ADAM12: variants seen among roughly 807,000 people sequenced by gnomAD.
ADAM12 encodes the protein ADAM metallopeptidase domain 12, also known as disintegrin and metalloproteinase domain-containing protein 12.
In ADAM12, 70 loss-of-function variants were observed where a neutral mutation model predicts 106.4. That is an observed-to-expected ratio of 0.66 (90% CI 0.54 to 0.80). The LOEUF is 0.80. Among genes scored for constraint, ADAM12 ranks in the 30% least tolerant of loss-of-function variants. The probability of loss-of-function intolerance (pLI) is 0.00; values close to 1 mark genes in which losing one functional copy is unlikely to be tolerated. For synonymous variants in ADAM12, 420 were observed against 433.5 expected (o/e 0.97, Z 0.39); for missense variants, 1,010 against 1,171.9 (o/e 0.86, Z 2.02).
intron 1 of ADAM12, among the ~76,000 whole-genome samples, chr10:126,384,068 A>G (rs1856575490): frequency 6.6e-6 from 1 of 152,192 alleles, no homozygotes; most frequent in Non-Finnish European, 1.5e-5. Flanking sequence ...GAATGCAGAT[A>G]TGATGCCAAG....
intron 3 of ADAM12, among the ~76,000 whole-genome samples, chr10:126,162,262 G>A (rs967926168): frequency 7.9e-5 from 12 of 152,162 alleles, no homozygotes; most frequent in African/African-American, 2.9e-4. Flanking sequence ...AGATGGGGAA[G>A]AATGAGCTGC....
At chr10:126,028,374 A>G (rs921328074) in intron 21 of ADAM12, among the ~76,000 whole-genome samples, 1 of 152,238 alleles carries the variant, frequency 6.6e-6, no homozygotes, top group Non-Finnish European at 1.5e-5. Context: ...CTAAGCAAAA[A>G]GAACAAAGCT....
rs1955499942 is a variant in ADAM12 at position 126,093,336 on chromosome 10, T to C, written c.1145+649A>G. Among the ~76,000 whole-genome samples the C allele has an allele frequency of 2.6e-5, 4 of 152,228 alleles. No individual in the cohort carries two copies. The South Asian group carries it at 6.2e-4, about 24-fold the overall frequency. ...GTTTGAACACTCCAAATAATGGAAC[T>C]GTCTTGCTCTTTTCTGGTTGAACCA... On this transcript the variant is annotated intron_variant, in intron 11 of 22. Transcript: ENST00000448723.
chr10:126,131,026 G>C (rs1003313898), intron 5 of ADAM12, among the ~76,000 whole-genome samples: 1 of 148,600 alleles, frequency 6.7e-6, no homozygotes, highest in Non-Finnish European at 1.5e-5. Flanking sequence ...TCTCAGTTTT[G>C]ATAATTGGGA....
At chr10:126,121,516 T>C (rs1458462357) in intron 5 of ADAM12, among the ~76,000 whole-genome samples, 1 of 143,016 alleles carries the variant, frequency 7.0e-6, no homozygotes, top group Non-Finnish European at 1.5e-5. Flanking sequence ...TAGAAAATTA[T>C]ATATTATATA....
intron 3 of ADAM12, among the ~76,000 whole-genome samples, chr10:126,258,563 G>T (rs573902999): frequency 2.0e-5 from 3 of 152,290 alleles, no homozygotes; most frequent in East Asian, 3.9e-4. Flanking sequence ...CTGGTGCAGG[G>T]TGGCGTCTGA....
At chr10:126,357,423 G>A (rs1269784935) in intron 1 of ADAM12, among the ~76,000 whole-genome samples, 2 of 152,082 alleles carry the variant, frequency 1.3e-5, no homozygotes, top group Non-Finnish European at 2.9e-5. Context: ...ACAAACAAAA[G>A]CTAAGCAGAG....
rs574560491 is a variant in ADAM12, at chr10:126,013,671, C to T, written c.*3608G>A. On this transcript the variant is annotated 3_prime_UTR_variant, in exon 23 of 23. Coordinates refer to ENST00000448723, the MANE Select transcript of ADAM12 (RefSeq NM_001288973.2). This position sits in a 1 kb window ranked among gnomAD's most constrained non-coding sequence, Gnocchi z 4.3. ...GAGATGCATCGGCCTGTGGTTTGAC[C>T]TGGGAAAGGGGCTTGTGTCTGGGTG... The T allele has an allele frequency of 2.6e-5, 4 of 152,400 alleles. No individual in the cohort carries two copies. Among genetic ancestry groups the T allele is most frequent in the Admixed American group, 1.3e-4 (2 of 15,286 alleles). The allele number at this position is 152,400 out of a possible 1,614,324, so 9.4% of individuals were successfully genotyped here. A position where few individuals can be genotyped will look rare whatever the true frequency, so the allele number is the denominator to read the frequency against.
At chr10:126,231,365 A>C (rs1051921619) in intron 3 of ADAM12, among the ~76,000 whole-genome samples, 3 of 151,268 alleles carry the variant, frequency 2.0e-5, no homozygotes, top group Admixed American at 1.3e-4. Flanking sequence ...GGAGGAAATA[A>C]GGCAACAGAA....
chr10:126,238,501 T>A (rs2133644643), intron 3 of ADAM12, among the ~76,000 whole-genome samples: 1 of 152,246 alleles, frequency 6.6e-6, no homozygotes, highest in Non-Finnish European at 1.5e-5. Flanking sequence ...AAACAAAATT[T>A]AATTAATTAA....
intron 11 of ADAM12, among the ~76,000 whole-genome samples, chr10:126,075,135 A>G (rs1221560513): frequency 6.6e-6 from 1 of 152,220 alleles, no homozygotes; most frequent in Non-Finnish European, 1.5e-5. Context: ...GTAATGAAGA[A>G]AAAAATGCCT....
chr10:126,214,581 GGAGTAGATGGTCA>G (rs1428412056), intron 3 of ADAM12, among the ~76,000 whole-genome samples: 1 of 152,166 alleles, frequency 6.6e-6, no homozygotes, highest in Non-Finnish European at 1.5e-5. Flanking sequence ...GGAGGGTGTG[GGAGTAGATGGTCA>G]GAGGAAGATT....
Position 126,014,940 on chromosome 10 carries a change from G to C in ADAM12, c.*2339C>G, listed in dbSNP as rs1399943894. ...GCCTCCCCCAACCACAAAACACCCT[G>C]GTTATTGGTTCCTAAGTTATGTTAA... is the stretch of plus-strand genomic sequence containing the variant. On this transcript the variant is annotated 3_prime_UTR_variant, in exon 23 of 23. Transcript: ENST00000448723. The C allele has an allele frequency of 6.6e-6, 1 of 151,946 alleles. No individual in the cohort carries two copies. The highest frequency in any genetic ancestry group is 1.5e-5 in the Non-Finnish European group (1 of 67,974). 9.4% of individuals were successfully genotyped at this position (151,946 alleles called of 1,614,324 possible). A position where few individuals can be genotyped will look rare whatever the true frequency, so the allele number is the denominator to read the frequency against.
chr10:126,123,563 C>G (rs568045969), intron 5 of ADAM12, among the ~76,000 whole-genome samples: 6 of 152,298 alleles, frequency 3.9e-5, no homozygotes, highest in Admixed American at 2.6e-4. Flanking sequence ...GGGTCACCCC[C>G]CTGTGGCACT....
chr10:126,029,344 G>T (rs1461685067), intron 21 of ADAM12, among the ~76,000 whole-genome samples: 1 of 152,134 alleles, frequency 6.6e-6, no homozygotes, highest in African/African-American at 2.4e-5. Flanking sequence ...CAACCTAAGT[G>T]CCCATCAGTG....
intron 1 of ADAM12, among the ~76,000 whole-genome samples, chr10:126,345,758 G>A (rs919591529): frequency 5.3e-5 from 8 of 152,172 alleles, no homozygotes; most frequent in African/African-American, 1.9e-4. Flanking sequence ...TTGGGAGGGT[G>A]TTTGTGTTGA....
At chr10:126,356,388 A>G (rs1412668898) in intron 1 of ADAM12, among the ~76,000 whole-genome samples, 11 of 152,196 alleles carry the variant, frequency 7.2e-5, no homozygotes, top group Admixed American at 1.3e-4. Flanking sequence ...AACTCAAAGC[A>G]AAGGCAGCAT....
intron 11 of ADAM12, among the ~76,000 whole-genome samples, chr10:126,076,945 A>G (rs772993419): frequency 3.3e-5 from 5 of 152,218 alleles, no homozygotes; most frequent in Non-Finnish European, 5.9e-5. Flanking sequence ...TCCAAATAGG[A>G]AAAGAAGAAG....
intron 2 of ADAM12, among the ~76,000 whole-genome samples, chr10:126,284,026 C>G (rs1959719322): frequency 6.6e-6 from 1 of 152,092 alleles, no homozygotes; most frequent in South Asian, 2.1e-4. Context: ...GTTCCAGCAC[C>G]ATTTGTTAAA....
Sources: allele counts gnomAD v4.1 joint callset (sites outside exome capture counted in the v4.1 genomes callset), GRCh38; gene constraint gnomAD v4.1.1; non-coding constraint Gnocchi (gnomAD v3.1); transcripts MANE v1.5; gene names NCBI Gene and HGNC (gene_info 2026-07-23, HGNC 2026-07-21).